RALGAPA2: variants seen among roughly 807,000 people sequenced by gnomAD.
RALGAPA2 encodes Ral GTPase activating protein catalytic subunit alpha 2.
A neutral mutation model predicts 230.4 loss-of-function variants in RALGAPA2; 139 were observed. The ratio of observed to expected loss-of-function variants is 0.60; its 90% CI spans 0.53 to 0.69. The LOEUF (loss-of-function observed/expected upper bound fraction) is 0.69, where lower values mean the gene tolerates loss of function less well. Ranked by LOEUF, RALGAPA2 falls within the 30% of genes least tolerant of loss-of-function variation. RALGAPA2 has a pLI of 0.00. For synonymous variants in RALGAPA2, 847 were observed against 837.8 expected, an observed-to-expected ratio of 1.01 and a Z score of -0.19; for missense variants, 2,163 against 2,276.0, an observed-to-expected ratio of 0.95 and a Z score of 1.01.
chr20:20,460,522 T>C (rs1026475375), intron 37 of RALGAPA2, among the ~76,000 whole-genome samples: 2 of 152,192 alleles, frequency 1.3e-5, no homozygotes, highest in Non-Finnish European at 1.5e-5. Flanking sequence ...AACTCTTCTG[T>C]GCAAGAACTC....
intron 23 of RALGAPA2, among the ~76,000 whole-genome samples, chr20:20,568,076 A>AG (rs2064502997): frequency 6.6e-6 from 1 of 152,088 alleles, no homozygotes; most frequent in Non-Finnish European, 1.5e-5. Flanking sequence ...AGCTGAGCAG[A>AG]GGGAAGCGTA....
Position 20,528,476 on chromosome 20 carries a change from A to G in RALGAPA2, c.3583-2114T>C, listed in dbSNP as rs915140335. 2.6e-5 allele frequency among the ~76,000 whole-genome samples: 4 copies of G among 152,130 alleles called. No individual in the cohort carries two copies. The South Asian group carries it at 8.3e-4, about 32-fold the overall frequency. On this transcript the variant is annotated intron_variant, in intron 27 of 39. Coordinates refer to ENST00000202677, the MANE Select transcript of RALGAPA2 (RefSeq NM_020343.4). ...GACGGACGATGGGTATTCAATGGGC[A>G]TTCAGGAAGTACAGCTGGCAGGACT...
intron 14 of RALGAPA2, among the ~76,000 whole-genome samples, chr20:20,611,104 A>C (rs1475659328): frequency 1.3e-5 from 2 of 152,214 alleles, no homozygotes; most frequent in African/African-American, 4.8e-5. Flanking sequence ...GCAAATTAAA[A>C]GAGGAAGTAG....
intron 13 of RALGAPA2, among the ~76,000 whole-genome samples, chr20:20,611,891 A>G (rs1183839465): frequency 6.6e-6 from 1 of 152,176 alleles, no homozygotes; most frequent in Non-Finnish European, 1.5e-5. Flanking sequence ...CACAGTCAGT[A>G]TCTTGGTAAG....
intron 23 of RALGAPA2, among the ~76,000 whole-genome samples, chr20:20,568,473 T>C (rs1273599283): frequency 1.3e-5 from 2 of 152,222 alleles, no homozygotes; most frequent in Non-Finnish European, 2.9e-5. Context: ...GTCATGTCTG[T>C]TTACATAATA....
intron 37 of RALGAPA2, among the ~76,000 whole-genome samples, chr20:20,425,117 A>G (rs943857773): frequency 1.6e-4 from 24 of 152,226 alleles, no homozygotes; most frequent in African/African-American, 4.3e-4. Flanking sequence ...TAGGATCATG[A>G]TATATGATAT....
intron 18 of RALGAPA2, among the ~76,000 whole-genome samples, chr20:20,586,052 T>C (rs572135881): frequency 1.3e-5 from 2 of 152,318 alleles, no homozygotes; most frequent in South Asian, 4.1e-4. Context: ...ACATATCTAA[T>C]GTGCTAAGAG....
intron 35 of RALGAPA2, among the ~76,000 whole-genome samples, chr20:20,498,625 A>G (rs2062284424): frequency 6.6e-6 from 1 of 152,168 alleles, no homozygotes; most frequent in Non-Finnish European, 1.5e-5. Flanking sequence ...CAGGCCTGAC[A>G]TCCCCATTGT....
chr20:20,659,696 G>A (rs978110505), intron 3 of RALGAPA2: 8 of 453,138 alleles, frequency 1.8e-5, no homozygotes, highest in Admixed American at 1.2e-4. Flanking sequence ...AATGGCAACA[G>A]CAGCAGCGAG....
chr20:20,610,643 C>T (rs1208100615), intron 14 of RALGAPA2, among the ~76,000 whole-genome samples: 1 of 152,164 alleles, frequency 6.6e-6, no homozygotes, highest in African/African-American at 2.4e-5. Flanking sequence ...CTTCAGCTAG[C>T]TCCCCTTTTC....
intron 36 of RALGAPA2, among the ~76,000 whole-genome samples, chr20:20,478,531 A>G (rs990748001): frequency 1.3e-5 from 2 of 152,178 alleles, no homozygotes; most frequent in African/African-American, 2.4e-5. Flanking sequence ...TTGCAGCAAC[A>G]TGGATGCAGC....
intron 24 of RALGAPA2, among the ~76,000 whole-genome samples, 153 bp downstream of exon 24, chr20:20,546,551 A>G (rs1467822457): frequency 6.6e-6 from 1 of 152,198 alleles, no homozygotes; most frequent in Non-Finnish European, 1.5e-5. Flanking sequence ...TTATCCTACA[A>G]TTTCACACAT....
intron 37 of RALGAPA2, among the ~76,000 whole-genome samples, chr20:20,448,281 A>G (rs542464153): frequency 1.3e-5 from 2 of 152,326 alleles, no homozygotes; most frequent in East Asian, 3.9e-4. Flanking sequence ...TACTTGACCG[A>G]GTAGAGTGTA....
chr20:20,686,101 GTTGA>G (rs1275018102), intron 1 of RALGAPA2, among the ~76,000 whole-genome samples: 2 of 152,290 alleles, frequency 1.3e-5, no homozygotes, highest in East Asian at 1.9e-4. Context: ...TAAACCTCTT[GTTGA>G]TTAAGTATTT....
Position 20,512,503 on chromosome 20 carries a change from G to T in RALGAPA2, c.4856+10C>A. 1 of 1,573,400 alleles carries T rather than the reference G, an allele frequency of 6.4e-7. No homozygotes were observed. The highest frequency in any genetic ancestry group is 1.2e-5 in the South Asian group (1 of 83,210). On this transcript the variant is annotated intron_variant, in intron 32 of 39. Transcript: ENST00000202677. Reference sequence around the variant, plus strand: ...GATAAAATAACTGGAGGTCTAGCTTGGATTGTTACCTTCTGTCCCAAGAAT... The same window carrying T: ...GATAAAATAACTGGAGGTCTAGCTTTGATTGTTACCTTCTGTCCCAAGAAT...
At chr20:20,670,712 C>T (rs1568732216) in intron 3 of RALGAPA2, among the ~76,000 whole-genome samples, 1 of 151,694 alleles carries the variant, frequency 6.6e-6, no homozygotes, top group Non-Finnish European at 1.5e-5. Flanking sequence ...CTTTGTGAGG[C>T]CGAGGCACAT....
intron 36 of RALGAPA2, among the ~76,000 whole-genome samples, chr20:20,474,791 A>G (rs1366537490): frequency 6.6e-6 from 1 of 152,204 alleles, no homozygotes; most frequent in African/African-American, 2.4e-5. Flanking sequence ...CTGGGTATCC[A>G]GTGATGATGT....
At chr20:20,675,181 A>C (rs774314815) in intron 3 of RALGAPA2, among the ~76,000 whole-genome samples, 2 of 152,208 alleles carry the variant, frequency 1.3e-5, no homozygotes, top group Non-Finnish European at 2.9e-5. Flanking sequence ...CCACTACAGA[A>C]TATGTGTATC....
At chr20:20,627,957 C>A (rs1473859035) in intron 10 of RALGAPA2, among the ~76,000 whole-genome samples, 1 of 152,038 alleles carries the variant, frequency 6.6e-6, no homozygotes, top group Non-Finnish European at 1.5e-5. Flanking sequence ...TTGGTTAACA[C>A]CTGTAATTTG....
Sources: gnomAD v4.1 joint callset for allele counts (sites outside exome capture counted in the v4.1 genomes callset) on GRCh38, gnomAD v4.1.1 for gene constraint, MANE v1.5 for transcripts, NCBI Gene and HGNC (gene_info 2026-07-23, HGNC 2026-07-21) for gene names.